Variants in PCDHGA1 observed in about 807,000 individuals in gnomAD.
PCDHGA1 encodes the protein protocadherin gamma-A1.
PCDHGA1 carries 32 observed loss-of-function variants against 58.0 expected under a neutral mutation model. That is an observed-to-expected ratio of 0.55 (90% CI 0.42 to 0.74). PCDHGA1 has a LOEUF of 0.74. Among genes scored for constraint, PCDHGA1 ranks in the 30% least tolerant of loss-of-function variants. The probability of loss-of-function intolerance (pLI) is 0.00; values close to 1 mark genes in which losing one functional copy is unlikely to be tolerated. For synonymous variants in PCDHGA1, 498 were observed against 501.1 expected (o/e 0.99, Z 0.08); for missense variants, 1,205 against 1,182.3 (o/e 1.02, Z -0.28).
chr5:141,360,903 G>T (rs752031820), intron 1 of PCDHGA1: 1 of 1,613,916 alleles, frequency 6.2e-7, no homozygotes, highest in East Asian at 2.2e-5. Context: ...AGGACGTGCC[G>T]CCGGGCTTCT....
intron 1 of PCDHGA1, chr5:141,345,634 C>T: frequency 6.2e-7 from 1 of 1,614,208 alleles, no homozygotes; most frequent in Non-Finnish European, 8.5e-7. Flanking sequence ...CTGGTGACAG[C>T]CAGCGACAGC....
chr5:141,485,887 C>T lies in PCDHGA1; in HGVS notation c.2422-8920C>T. 1 of 1,614,098 alleles carries T rather than the reference C, an allele frequency of 6.2e-7. No homozygotes were observed. On this transcript the variant is annotated intron_variant, in intron 1 of 3. Transcript: ENST00000517417. The surrounding 1 kb of genome is among the most constrained non-coding windows in gnomAD (Gnocchi z 5.7). ...TATCCGTGCTGGACGTAAACGACAA[C>T]GCCCCAGCCTTCCAGCAATCCAGCT...
intron 1 of PCDHGA1, chr5:141,479,269 A>G (rs1279389471): frequency 6.6e-6 from 1 of 152,374 alleles, no homozygotes; most frequent in African/African-American, 2.4e-5. Flanking sequence ...TAAAAGTAAT[A>G]ATTTATTTCA....
intron 1 of PCDHGA1, chr5:141,387,903 G>A: frequency 6.6e-7 from 1 of 1,506,982 alleles, no homozygotes; most frequent in African/African-American, 1.4e-5. Context: ...CGGCGCCGGG[G>A]AGCTGGGCCG....
chr5:141,394,325 T>G (rs563526295), intron 1 of PCDHGA1: 3 of 1,614,012 alleles, frequency 1.9e-6, no homozygotes, highest in South Asian at 2.2e-5. Flanking sequence ...TGTCCTCGTA[T>G]ATCTCCATCA....
intron 1 of PCDHGA1, among the ~76,000 whole-genome samples, chr5:141,467,297 CT>C (rs1229166213): frequency 2.0e-5 from 3 of 152,182 alleles, no homozygotes; most frequent in African/African-American, 7.2e-5. Context: ...AAGTGATCCA[CT>C]CACCTCGGCC....
intron 1 of PCDHGA1, among the ~76,000 whole-genome samples, chr5:141,442,913 AACT>A (rs1163578304): frequency 6.6e-6 from 1 of 152,214 alleles, no homozygotes. Flanking sequence ...TTCAGCACAC[AACT>A]GTTTCATTTT....
chr5:141,404,165 T>C, intron 1 of PCDHGA1: 1 of 1,613,246 alleles, frequency 6.2e-7, no homozygotes, highest in South Asian at 1.1e-5. Flanking sequence ...TTACAGATTG[T>C]TGACGGCCCA....
rs1385496143 is a variant in PCDHGA1, at chr5:141,361,418, G to A, written c.2421+28313G>A. On this transcript the variant is annotated intron_variant, in intron 1 of 3. Coordinates refer to ENST00000517417, the MANE Select transcript of PCDHGA1 (RefSeq NM_018912.3). ...CTCACCATCACAGCCACCGACGGGG[G>A]CAAGCCGCCCCTCTCCTCCAGCATA... The A allele has an allele frequency of 3.7e-6, 6 of 1,614,036 alleles. No individual in the cohort carries two copies. Among genetic ancestry groups the A allele is most frequent in the Non-Finnish European group, 5.1e-6 (6 of 1,179,900 alleles).
intron 1 of PCDHGA1, chr5:141,355,294 C>T (rs1458136342): frequency 6.2e-7 from 1 of 1,613,896 alleles, no homozygotes; most frequent in East Asian, 2.2e-5. Flanking sequence ...CGAACAGATT[C>T]TCTACTCGGT....
intron 1 of PCDHGA1, among the ~76,000 whole-genome samples, chr5:141,468,247 C>T (rs925455907): frequency 6.7e-6 from 1 of 149,930 alleles, no homozygotes; most frequent in Non-Finnish European, 1.5e-5. Flanking sequence ...ATTGCCTGAA[C>T]CTGGGAGGCA....
At chr5:141,441,340 C>T (rs2098240395) in intron 1 of PCDHGA1, 1 of 152,330 alleles carries the variant, frequency 6.6e-6, no homozygotes, top group Non-Finnish European at 1.5e-5. Flanking sequence ...CAATAATTAA[C>T]TACATGCTTG....
In PCDHGA1 at chr5:141,432,921, A is replaced by G; in HGVS notation, c.2422-61886A>G. On this transcript the variant is annotated intron_variant, in intron 1 of 3. Transcript: ENST00000517417. The surrounding 1 kb of genome is among the most constrained non-coding windows in gnomAD (Gnocchi z 6.0). ...GCGCTCAGGCTGCGGCGCTGGCACAAGTCACGCCTGCTGCAGGCTTCAGGA... is the reference window on the plus strand; with the variant it reads ...GCGCTCAGGCTGCGGCGCTGGCACAGGTCACGCCTGCTGCAGGCTTCAGGA... 6.2e-7 allele frequency: 1 copy of G among 1,614,114 alleles called. No individual in the cohort carries two copies. The highest frequency in any genetic ancestry group is 1.7e-4 in the Middle Eastern group (1 of 6,060).
intron 1 of PCDHGA1, among the ~76,000 whole-genome samples, chr5:141,465,966 C>T (rs904439039): frequency 5.3e-5 from 8 of 151,802 alleles, no homozygotes; most frequent in Non-Finnish European, 1.0e-4. Context: ...ACTAAAAATA[C>T]AAAAAATTAG....
At chr5:141,374,758 C>T in intron 1 of PCDHGA1, 1 of 1,613,200 alleles carries the variant, frequency 6.2e-7, no homozygotes, top group South Asian at 1.1e-5. Context: ...GCTCAAGCGT[C>T]GCCCAAATTC....
rs1370134044 is a variant in PCDHGA1, at chr5:141,331,542, C to A, written c.858C>A (p.His286Gln). Residue 286 changes from histidine to glutamine, a missense_variant, in exon 1 of 4, where the codon CAC becomes CAA. Coordinates refer to ENST00000517417, the MANE Select transcript of PCDHGA1 (RefSeq NM_018912.3). ...EVTYSFHNVD[H>Q]RVAQIFRLDS... ...CGTACTCCTTTCACAATGTAGACCA[C>A]AGAGTGGCCCAAATATTTCGTTTAG... 1.2e-6 allele frequency: 2 copies of A among 1,614,040 alleles called. No individual in the cohort carries two copies. Among genetic ancestry groups the A allele is most frequent in the Admixed American group, 1.7e-5 (1 of 59,998 alleles).
rs78612001 is a variant in PCDHGA1 at position 141,432,435 on chromosome 5, C to A, written c.2422-62372C>A. ...TTCGTGCTGGACCAGAACGACAATG[C>A]GCCCGAGATCCTGTACCCCGCCCTC... On this transcript the variant is annotated intron_variant, in intron 1 of 3. Coordinates refer to ENST00000517417, the MANE Select transcript of PCDHGA1 (RefSeq NM_018912.3). The surrounding 1 kb of genome is among the most constrained non-coding windows in gnomAD (Gnocchi z 6.0). The A allele has an allele frequency of 0.027, 43,228 of 1,614,212 alleles. 830 individuals are homozygous for A. The highest frequency in any genetic ancestry group is 0.092 in the African/African-American group (6,903 of 75,054).
intron 1 of PCDHGA1, chr5:141,360,051 G>A (rs1443200374): frequency 2.1e-6 from 3 of 1,435,510 alleles, no homozygotes; most frequent in Admixed American, 5.6e-5. Context: ...GAAAACAAAA[G>A]CAGGAAAAGT....
At chr5:141,471,932 A>T (rs1015576042) in intron 1 of PCDHGA1, among the ~76,000 whole-genome samples, 1 of 152,158 alleles carries the variant, frequency 6.6e-6, no homozygotes, top group Non-Finnish European at 1.5e-5. Context: ...GGGGGTGATG[A>T]GAGTTTTCTA....
Sources: gnomAD v4.1 joint callset for allele counts (sites outside exome capture counted in the v4.1 genomes callset) on GRCh38, gnomAD v4.1.1 for gene constraint, Gnocchi (gnomAD v3.1) non-coding constraint, MANE v1.5 for transcripts, NCBI Gene and HGNC (gene_info 2026-07-23, HGNC 2026-07-21) for gene names.